Variants in CAPZA1 observed in about 807,000 individuals in gnomAD.
The protein encoded by CAPZA1 is capping actin protein of muscle Z-line subunit alpha 1.
CAPZA1 carries 10 observed loss-of-function variants against 40.8 expected under a neutral mutation model. The ratio of observed to expected loss-of-function variants is 0.25; its 90% CI spans 0.15 to 0.42. CAPZA1 has a LOEUF of 0.42. CAPZA1 is among the 10% of genes least tolerant of loss of function. CAPZA1 has a pLI of 1.00. For missense variants in CAPZA1, 277 were observed against 353.8 expected, an observed-to-expected ratio of 0.78 and a Z score of 1.74; for synonymous variants, 98 against 115.0, an observed-to-expected ratio of 0.85 and a Z score of 0.95.
At position 112,654,424 on chromosome 1, in the gene CAPZA1, C is replaced by T. The variant is rs745711102; in HGVS notation, c.220-41C>T. 5.9e-6 allele frequency: 8 copies of T among 1,352,800 alleles called. No homozygotes were observed. The African/African-American group carries it at 1.0e-4, about 17-fold the overall frequency. 83.8% of individuals were successfully genotyped at this position (1,352,800 alleles called of 1,614,324 possible). ...TTTCATAAAAGGCAGTAAGAATTGT[C>T]TTTTTTACAGTTACTCATATGTTTA... is the stretch of plus-strand genomic sequence containing the variant. On this transcript the variant is annotated intron_variant, in intron 4 of 9. Transcript: ENST00000263168.
chr1:112,665,831 G>C lies in CAPZA1; in HGVS notation c.586-1243G>C, dbSNP rs1035383963. Reference sequence around the variant, plus strand: ...CATATTGGTCCAACATAAGAATTTTGGGAAGGTACCAACATTAAAATCATA... The same window carrying C: ...CATATTGGTCCAACATAAGAATTTTCGGAAGGTACCAACATTAAAATCATA... On this transcript the variant is annotated intron_variant, in intron 7 of 9. Transcript: ENST00000263168. Among the ~76,000 whole-genome samples the C allele has an allele frequency of 5.9e-5, 9 of 152,122 alleles. No homozygotes were observed. The South Asian group carries it at 1.0e-3, about 18-fold the overall frequency.
In CAPZA1 at chr1:112,635,598, A is replaced by C. The variant is rs369589064; in HGVS notation, c.40-11612A>C. On this transcript the variant is annotated intron_variant, in intron 1 of 9. Transcript: ENST00000263168. ...ACGAGTAGCTGGGATTACAACACCC[A>C]GCTAATTTTTGCATTTTTAGCAGAG... 2.3e-3 allele frequency among the ~76,000 whole-genome samples: 336 copies of C among 145,374 alleles called. 2 individuals are homozygous for C. The highest frequency in any genetic ancestry group is 7.3e-3 in the African/African-American group (285 of 38,832).
At chr1:112,643,931 G>A (rs982319337) in intron 1 of CAPZA1, among the ~76,000 whole-genome samples, 1 of 151,690 alleles carries the variant, frequency 6.6e-6, no homozygotes, top group Admixed American at 6.6e-5. Context: ...TGCAAACTCT[G>A]CCTCCTGGGT....
intron 1 of CAPZA1, among the ~76,000 whole-genome samples, chr1:112,629,088 C>T (rs1570701119): frequency 6.6e-6 from 1 of 152,176 alleles, no homozygotes; most frequent in African/African-American, 2.4e-5. Context: ...TGCTCAAAGC[C>T]CTCCGGTGGC....
chr1:112,649,331 C>G (rs867930854), intron 2 of CAPZA1, 87 bp from the exon 3 acceptor site: 109 of 940,232 alleles, frequency 1.2e-4, no homozygotes, highest in Non-Finnish European at 2.4e-5. Flanking sequence ...TTTTACAAAG[C>G]CTGACATTTA....
intron 5 of CAPZA1, among the ~76,000 whole-genome samples, chr1:112,654,907 A>G (rs181398977): frequency 6.6e-5 from 10 of 152,268 alleles, no homozygotes; most frequent in Admixed American, 5.9e-4. Flanking sequence ...CTGTTTTCAC[A>G]TTTGACTTAT....
intron 1 of CAPZA1, among the ~76,000 whole-genome samples, chr1:112,631,208 T>C (rs17030590): frequency 0.011 from 1,687 of 152,348 alleles, 41 homozygotes; most frequent in East Asian, 0.093. Context: ...TTCACCTCAG[T>C]GCCTGAGACC....
intron 1 of CAPZA1, among the ~76,000 whole-genome samples, chr1:112,637,984 T>C (rs895079072): frequency 5.3e-5 from 8 of 152,224 alleles, no homozygotes; most frequent in African/African-American, 1.9e-4. Context: ...TCTATGATCT[T>C]GGACTTTGGG....
chr1:112,652,472 T>TC (rs1006039520), intron 3 of CAPZA1, among the ~76,000 whole-genome samples: 2 of 113,090 alleles, frequency 1.8e-5, no homozygotes, highest in Admixed American at 2.1e-4. Context: ...AGAGCTAAAC[T>TC]CCATCTCAAA....
At chr1:112,621,860 C>G (rs1197985104) in intron 1 of CAPZA1, among the ~76,000 whole-genome samples, 2 of 143,826 alleles carry the variant, frequency 1.4e-5, no homozygotes, top group African/African-American at 5.2e-5. Context: ...CTCTCTGGTT[C>G]AAGCGATTCT....
At chr1:112,645,309 A>C in intron 1 of CAPZA1, among the ~76,000 whole-genome samples, 1 of 152,218 alleles carries the variant, frequency 6.6e-6, no homozygotes, top group Non-Finnish European at 1.5e-5. Flanking sequence ...TTTAGGAAAC[A>C]ATCAGTAGAA....
intron 1 of CAPZA1, among the ~76,000 whole-genome samples, chr1:112,627,667 G>C (rs1231340517): frequency 9.0e-6 from 1 of 111,620 alleles, no homozygotes; most frequent in African/African-American, 3.6e-5. Context: ...AAAAAAAAAA[G>C]AAGGGCCAGG....
chr1:112,624,023 A>G (rs1373659899), intron 1 of CAPZA1, among the ~76,000 whole-genome samples: 2 of 150,026 alleles, frequency 1.3e-5, no homozygotes, highest in African/African-American at 4.9e-5. Context: ...AAAAAAAAGA[A>G]AAAAGAAAAG....
intron 1 of CAPZA1, chr1:112,626,141 A>G (rs1469762402): frequency 6.6e-6 from 1 of 152,214 alleles, no homozygotes; most frequent in East Asian, 1.9e-4. Context: ...GAAGGTCCTC[A>G]TCATCTCTAC....
intron 1 of CAPZA1, among the ~76,000 whole-genome samples, chr1:112,622,908 A>T (rs1444925861): frequency 6.6e-6 from 1 of 150,802 alleles, no homozygotes; most frequent in East Asian, 1.9e-4. Flanking sequence ...TTTGAAACGA[A>T]GTCTTGCACT....
chr1:112,627,636 CAAAAAAAAAAAAA>C (rs3034524), intron 1 of CAPZA1, among the ~76,000 whole-genome samples: 572 of 50,796 alleles, frequency 0.011, 5 homozygotes, highest in African/African-American at 0.042. Flanking sequence ...GACTCTGTCT[CAAAAAAAAAAAAA>C]AAAAAAAAAA....
At chr1:112,647,324 A>G in intron 2 of CAPZA1, 51 bp downstream of exon 2, 1 of 923,668 alleles carries the variant, frequency 1.1e-6, no homozygotes, top group Non-Finnish European at 1.6e-6. Context: ...TTATTTATTG[A>G]GTACTTGCTG....
chr1:112,669,066 T>C (rs1045593497), intron 8 of CAPZA1, among the ~76,000 whole-genome samples: 2 of 152,192 alleles, frequency 1.3e-5, no homozygotes, highest in Non-Finnish European at 2.9e-5. Flanking sequence ...GTACAAAATG[T>C]GATTGGCTAG....
chr1:112,642,850 T>G (rs1257851834), intron 1 of CAPZA1, among the ~76,000 whole-genome samples: 1 of 152,244 alleles, frequency 6.6e-6, no homozygotes, highest in African/African-American at 2.4e-5. Flanking sequence ...TTCAGTTTGG[T>G]AATTTTATTA....
Sources: gnomAD v4.1 joint callset for allele counts (sites outside exome capture counted in the v4.1 genomes callset) on GRCh38, gnomAD v4.1.1 for gene constraint, MANE v1.5 for transcripts, NCBI Gene and HGNC (gene_info 2026-07-23, HGNC 2026-07-21) for gene names.